ERICH3: variants seen among roughly 807,000 people sequenced by gnomAD.
ERICH3 encodes the protein glutamate-rich protein 3.
Under a neutral mutation model 131.1 loss-of-function variants are expected in ERICH3, and 126 were observed. The observed-to-expected ratio is 0.96, with a 90% CI of 0.83 to 1.11. The LOEUF is 1.11. Ranked by LOEUF, ERICH3 falls within the 50% of genes most tolerant of loss-of-function variation. The pLI is 0.00. For missense variants in ERICH3, 2,050 were observed against 1,810.7 expected (o/e 1.13, Z -2.40); for synonymous variants, 695 against 644.6 (o/e 1.08, Z -1.18).
chr1:74,673,050 A>G (rs954652492), intron 1 of ERICH3, among the ~76,000 whole-genome samples: 4 of 152,192 alleles, frequency 2.6e-5, no homozygotes, highest in Non-Finnish European at 1.5e-5. Flanking sequence ...ACATCTTTCA[A>G]TACTGAATGA....
intron 10 of ERICH3, among the ~76,000 whole-genome samples, chr1:74,601,270 C>T (rs1159875516): frequency 1.3e-5 from 2 of 151,774 alleles, no homozygotes; most frequent in Non-Finnish European, 2.9e-5. Flanking sequence ...GATAATTCCT[C>T]ACCTGACCCT....
chr1:74,633,379 A>T (rs1646359218), intron 6 of ERICH3, among the ~76,000 whole-genome samples: 1 of 151,908 alleles, frequency 6.6e-6, no homozygotes, highest in Non-Finnish European at 1.5e-5. Context: ...GTAAAGGAGT[A>T]CGTTTATATT....
At chr1:74,659,549 G>A (rs1041974132) in intron 1 of ERICH3, among the ~76,000 whole-genome samples, 24 of 152,118 alleles carry the variant, frequency 1.6e-4, no homozygotes, top group African/African-American at 5.8e-4. Context: ...CTATCCCAAG[G>A]TTACAAAGCT....
At chr1:74,599,353 G>C (rs1473428078) in intron 11 of ERICH3, among the ~76,000 whole-genome samples, 7 of 151,832 alleles carry the variant, frequency 4.6e-5, no homozygotes, top group Non-Finnish European at 5.9e-5. Context: ...ACCTCATACT[G>C]TCATGAGTGG....
At chr1:74,655,671 T>G (rs1646577220) in intron 1 of ERICH3, among the ~76,000 whole-genome samples, 1 of 152,180 alleles carries the variant, frequency 6.6e-6, no homozygotes. Context: ...CTCCTTTTCA[T>G]GTAAAGTAAC....
At chr1:74,582,142 C>T (rs1647192122) in intron 12 of ERICH3, among the ~76,000 whole-genome samples, 1 of 152,150 alleles carries the variant, frequency 6.6e-6, no homozygotes, top group Non-Finnish European at 1.5e-5. Flanking sequence ...GGGATGGTGG[C>T]AACAGTGGAG....
intron 7 of ERICH3, chr1:74,625,482 C>T (rs1649382795): frequency 6.6e-6 from 1 of 152,096 alleles, no homozygotes; most frequent in Non-Finnish European, 1.5e-5. Context: ...CAAATGCCAC[C>T]TTCTCTAGGA....
rs780434768 is a variant in ERICH3 at position 74,589,836 on chromosome 1, C to A, written c.1971G>T (p.Lys657Asn). The A allele has an allele frequency of 2.5e-6, 4 of 1,614,104 alleles. No individual in the cohort carries two copies. Among genetic ancestry groups the A allele is most frequent in the South Asian group, 1.1e-5 (1 of 91,090 alleles). ...QEITKADVET[K>N]PMPIDESFEN... ...CAAAGCTTTCGTCTATTGGCATCGG[C>A]TTGGTCTCCACATCTGCTTTTGTTA... is the stretch of plus-strand genomic sequence containing the variant. The change falls in exon 12 of 15, where the codon AAG (lysine) becomes AAT (asparagine). Residue 657 changes from lysine (K) to asparagine (N), a missense_variant. By Grantham distance (94) the Lys-to-Asn change is moderately conservative (BLOSUM62 0). Coordinates refer to ENST00000326665, the MANE Select transcript of ERICH3 (RefSeq NM_001002912.5).
At chr1:74,579,788 C>T (rs1392834004) in intron 12 of ERICH3, 1 of 985,200 alleles carries the variant, frequency 1.0e-6, no homozygotes, top group East Asian at 1.1e-4. Context: ...GCCCTTCATC[C>T]CCTAAGGCTC....
intron 1 of ERICH3, among the ~76,000 whole-genome samples, chr1:74,653,463 G>C (rs1646556597): frequency 6.6e-6 from 1 of 151,468 alleles, no homozygotes; most frequent in Non-Finnish European, 1.5e-5. Flanking sequence ...AGAGGAGAAA[G>C]AGAGAGAGAG....
At chr1:74,592,145 A>G (rs1647637500) in intron 11 of ERICH3, 2 of 152,234 alleles carry the variant, frequency 1.3e-5, no homozygotes, top group Non-Finnish European at 2.9e-5. Flanking sequence ...AAAGCCTTTC[A>G]GCAACAGAGC....
At chr1:74,654,405 A>G (rs1646565008) in intron 1 of ERICH3, among the ~76,000 whole-genome samples, 1 of 151,480 alleles carries the variant, frequency 6.6e-6, no homozygotes, top group Non-Finnish European at 1.5e-5. Flanking sequence ...TAGGATATGT[A>G]TATCCTACTG....
rs541280739 is a variant in ERICH3, at chr1:74,628,885, T to C, written c.819+2828A>G. ...AACTTGGCATAATTACAAAGACAAA[T>C]TGACAAATCCATAATTATAGAGAAT... On this transcript the variant is annotated intron_variant, in intron 7 of 14. Coordinates refer to ENST00000326665, the MANE Select transcript of ERICH3 (RefSeq NM_001002912.5). Among the ~76,000 whole-genome samples, 58 of 152,124 alleles carry C rather than the reference T, an allele frequency of 3.8e-4. No individual in the cohort carries two copies. In the South Asian group the frequency reaches 4.4e-3, roughly 11 times the overall value.
At chr1:74,582,316 G>A (rs1230974264) in intron 12 of ERICH3, among the ~76,000 whole-genome samples, 1 of 152,144 alleles carries the variant, frequency 6.6e-6, no homozygotes, top group African/African-American at 2.4e-5. Context: ...AGCTCCTGAT[G>A]TCTTTCTCTA....
chr1:74,644,560 A>G (rs544826191), intron 3 of ERICH3, among the ~76,000 whole-genome samples: 1 of 152,144 alleles, frequency 6.6e-6, no homozygotes, highest in South Asian at 2.1e-4. Context: ...GATCTCCTAC[A>G]GTGCACATAC....
rs752387660 is a variant in ERICH3 at position 74,589,598 on chromosome 1, A to T, written c.2176+33T>A. 5.0e-6 allele frequency: 8 copies of T among 1,591,794 alleles called. No homozygotes were observed. In the South Asian group the frequency reaches 6.7e-5, roughly 13 times the overall value. On this transcript the variant is annotated intron_variant, in intron 12 of 14. Transcript: ENST00000326665. ...CCAAAATCAGCTTCCATGCATGAGG[A>T]TGATGGCAGCTCAACTCAACGGCCA...
chr1:74,629,629 A>T (rs543747837), intron 7 of ERICH3, among the ~76,000 whole-genome samples: 1 of 152,130 alleles, frequency 6.6e-6, no homozygotes, highest in Non-Finnish European at 1.5e-5. Context: ...TTCCTGCTGG[A>T]CATCCAGTGT....
intron 10 of ERICH3, among the ~76,000 whole-genome samples, chr1:74,603,976 G>A (rs1173346764): frequency 6.6e-6 from 1 of 151,796 alleles, no homozygotes; most frequent in Non-Finnish European, 1.5e-5. Flanking sequence ...TTCCTTTCAC[G>A]AAGATTTATC....
At position 74,636,390 on chromosome 1, in the gene ERICH3, G is replaced by A. The variant is rs770613463; in HGVS notation, c.493C>T (p.Arg165Ter). 9 of 1,612,690 alleles carry A rather than the reference G, an allele frequency of 5.6e-6. No homozygotes were observed. Among genetic ancestry groups the A allele is most frequent in the Admixed American group, 1.7e-5 (1 of 59,976 alleles). ...GGATTACTGGGAAGAGGCTGTAATCGAATTGGAGGCTGCATATTTCCTGGA... is the reference window on the plus strand; with the variant it reads ...GGATTACTGGGAAGAGGCTGTAATCAAATTGGAGGCTGCATATTTCCTGGA... ...TAPGNMQPPI[R>*]LQPLPSNPAV... is the part of the protein sequence containing the mutation. Residue 165 changes from arginine (R) to a stop codon, truncating the protein, a stop_gained, in exon 6 of 15, where the codon CGA (arginine) becomes TGA (stop). Transcript: ENST00000326665. LOFTEE classifies it high-confidence loss of function.
Sources: gnomAD v4.1 joint callset for allele counts (sites outside exome capture counted in the v4.1 genomes callset) on GRCh38, gnomAD v4.1.1 for gene constraint, MANE v1.5 for transcripts, NCBI Gene and HGNC (gene_info 2026-07-23, HGNC 2026-07-21) for gene names.